NME7: variants seen among roughly 807,000 people sequenced by gnomAD.
NME7 encodes the protein NME/NM23 family member 7, also known as nucleoside diphosphate kinase 7.
NME7 carries 41 observed loss-of-function variants against 49.1 expected under a neutral mutation model. That is an observed-to-expected ratio of 0.83 (90% CI 0.65 to 1.08). NME7 has a LOEUF of 1.08. NME7 is among the 50% of genes least tolerant of loss of function. The pLI is 0.00. For synonymous variants in NME7, 139 were observed against 150.6 expected, an observed-to-expected ratio of 0.92 and a Z score of 0.56; for missense variants, 423 against 463.4, an observed-to-expected ratio of 0.91 and a Z score of 0.80.
intron 7 of NME7, among the ~76,000 whole-genome samples, chr1:169,256,959 C>T (rs1255996090): frequency 7.9e-6 from 1 of 127,244 alleles, no homozygotes; most frequent in African/African-American, 2.6e-5. Flanking sequence ...AACCACTGCT[C>T]TCTTCAAAGC....
intron 7 of NME7, among the ~76,000 whole-genome samples, chr1:169,261,205 T>A (rs185021467): frequency 7.5e-6 from 1 of 134,154 alleles, no homozygotes; most frequent in East Asian, 2.0e-4. Flanking sequence ...AGCTTATAAG[T>A]GATATTTATT....
intron 1 of NME7, among the ~76,000 whole-genome samples, chr1:169,350,878 A>G (rs1188794445): frequency 6.6e-6 from 1 of 152,172 alleles, no homozygotes; most frequent in East Asian, 1.9e-4. Flanking sequence ...GAGGTAGAAG[A>G]CATGTGGGCC....
At chr1:169,280,596 T>C (rs547011458) in intron 7 of NME7, among the ~76,000 whole-genome samples, 1 of 147,816 alleles carries the variant, frequency 6.8e-6, no homozygotes, top group South Asian at 2.2e-4. Flanking sequence ...CTAGGTCTTA[T>C]TAAAGTCTTT....
At chr1:169,287,066 T>C (rs772048809) in intron 7 of NME7, 1 of 433,790 alleles carries the variant, frequency 2.3e-6, no homozygotes, top group Non-Finnish European at 4.1e-6. Flanking sequence ...ACAGTATGAC[T>C]GAGCCTGAGC....
intron 11 of NME7, among the ~76,000 whole-genome samples, chr1:169,138,742 T>C (rs564748337): frequency 1.3e-5 from 2 of 152,106 alleles, no homozygotes; most frequent in Non-Finnish European, 2.9e-5. Flanking sequence ...GATATGTATA[T>C]ATGAAATTAA....
At chr1:169,366,494 T>C (rs951432885) in intron 1 of NME7, among the ~76,000 whole-genome samples, 1 of 152,132 alleles carries the variant, frequency 6.6e-6, no homozygotes, top group Non-Finnish European at 1.5e-5. Context: ...GATGTGTGAC[T>C]TGAGCACTGA....
intron 1 of NME7, among the ~76,000 whole-genome samples, chr1:169,355,383 C>CAT (rs1424899224): frequency 8.1e-6 from 1 of 123,666 alleles, no homozygotes; most frequent in African/African-American, 3.0e-5. Flanking sequence ...CACACACACA[C>CAT]ACACACACAC....
intron 1 of NME7, among the ~76,000 whole-genome samples, chr1:169,336,563 C>A (rs1040642748): frequency 6.6e-6 from 1 of 152,200 alleles, no homozygotes; most frequent in African/African-American, 2.4e-5. Flanking sequence ...CAGCTAGATA[C>A]AGAGTGTCGA....
intron 10 of NME7, among the ~76,000 whole-genome samples, chr1:169,189,505 T>C (rs557714022): frequency 6.6e-6 from 1 of 152,174 alleles, no homozygotes; most frequent in African/African-American, 2.4e-5. Context: ...TCTATTGAAT[T>C]CAGCTTTCGC....
intron 7 of NME7, among the ~76,000 whole-genome samples, chr1:169,278,421 C>T (rs1195639719): frequency 6.7e-6 from 1 of 150,258 alleles, no homozygotes; most frequent in Non-Finnish European, 1.5e-5. Context: ...TCCCTTCTCA[C>T]TTCATTTCAT....
intron 10 of NME7, among the ~76,000 whole-genome samples, chr1:169,209,408 T>C (rs148092231): frequency 6.6e-6 from 1 of 152,242 alleles, no homozygotes; most frequent in East Asian, 1.9e-4. Context: ...TGTTACTGTA[T>C]ATATTCCAAA....
At chr1:169,357,359 A>G (rs1033794172) in intron 1 of NME7, among the ~76,000 whole-genome samples, 1 of 152,066 alleles carries the variant, frequency 6.6e-6, no homozygotes, top group Non-Finnish European at 1.5e-5. Flanking sequence ...AGATGAGTTC[A>G]AGAGCCTCTG....
In NME7 at chr1:169,298,748, A is replaced by T. The variant is rs1650814781; in HGVS notation, c.456T>A (p.Phe152Leu). 1 of 1,613,460 alleles carries T rather than the reference A, an allele frequency of 6.2e-7. No homozygotes were observed. The highest frequency in any genetic ancestry group is 8.5e-7 in the Non-Finnish European group (1 of 1,179,556). ...SRPFFNELIQFITTGPIIAME... is the reference protein window; with the variant it reads ...SRPFFNELIQLITTGPIIAME... ...TGGCAATAATAGGACCAGTTGTAAT[A>T]AACTGGATCAGCTCACTACAAAACA... Residue 152 changes from phenylalanine to leucine, a missense_variant, in exon 6 of 12, where the codon TTT becomes TTA. Transcript: ENST00000367811.
At chr1:169,187,413 A>G (rs1660097613) in intron 10 of NME7, among the ~76,000 whole-genome samples, 1 of 152,068 alleles carries the variant, frequency 6.6e-6, no homozygotes, top group Non-Finnish European at 1.5e-5. Context: ...AACTTGCTTT[A>G]TGAATCTTGG....
intron 6 of NME7, among the ~76,000 whole-genome samples, chr1:169,296,861 T>C (rs1432679292): frequency 1.3e-5 from 2 of 152,170 alleles, no homozygotes; most frequent in African/African-American, 2.4e-5. Flanking sequence ...TTTTAAAATA[T>C]ATTTGTATAC....
intron 10 of NME7, among the ~76,000 whole-genome samples, chr1:169,199,955 T>C (rs1224091168): frequency 6.6e-6 from 1 of 152,114 alleles, no homozygotes; most frequent in Non-Finnish European, 1.5e-5. Context: ...GTATGACTGA[T>C]ATAGAACTTA....
chr1:169,298,449 CA>C lies in NME7; in HGVS notation c.648+106del. On this transcript the variant is annotated intron_variant, in intron 6 of 11. Coordinates refer to ENST00000367811, the MANE Select transcript of NME7 (RefSeq NM_013330.5). Reference sequence around the variant, plus strand: ...TCAAAGGTTTTCTCTACTACTAGAGCAGCAGCATAAATCCACCCTAAGTCAC... The same window carrying C: ...TCAAAGGTTTTCTCTACTACTAGAGCGCAGCATAAATCCACCCTAAGTCAC... 16 of 1,085,776 alleles carry C rather than the reference CA, an allele frequency of 1.5e-5. 2 individuals are homozygous for C. In the South Asian group the frequency reaches 2.2e-4, roughly 15 times the overall value. The allele number at this position is 1,085,776 out of a possible 1,614,324, so 67.3% of individuals were successfully genotyped here. A position where few individuals can be genotyped will look rare whatever the true frequency, so the allele number is the denominator to read the frequency against.
intron 6 of NME7, among the ~76,000 whole-genome samples, chr1:169,292,208 T>C (rs1201593947): frequency 2.0e-5 from 3 of 152,154 alleles, no homozygotes; most frequent in East Asian, 3.9e-4. Context: ...GAGTTAAGTA[T>C]AAAAACTAAA....
chr1:169,151,741 C>T (rs1658921318), intron 11 of NME7, among the ~76,000 whole-genome samples: 1 of 152,124 alleles, frequency 6.6e-6, no homozygotes, highest in African/African-American at 2.4e-5. Context: ...GGCAGAGGGC[C>T]TCTTGGTAGA....
Sources: allele counts gnomAD v4.1 joint callset (sites outside exome capture counted in the v4.1 genomes callset), GRCh38; gene constraint gnomAD v4.1.1; transcripts MANE v1.5; gene names NCBI Gene and HGNC (gene_info 2026-07-23, HGNC 2026-07-21).